The following ABLIM2 variants were observed in gnomAD, a reference collection of about 807,000 sequenced individuals.
The protein encoded by ABLIM2 is actin binding LIM protein family member 2.
Under a neutral mutation model 97.7 loss-of-function variants are expected in ABLIM2, and 53 were observed. The observed-to-expected ratio is 0.54, with a 90% CI of 0.44 to 0.68. ABLIM2 has a LOEUF of 0.68. ABLIM2 is among the 30% of genes least tolerant of loss of function. ABLIM2 has a pLI of 0.00. For missense variants in ABLIM2, 835 were observed against 867.2 expected, an observed-to-expected ratio of 0.96 and a Z score of 0.47; for synonymous variants, 361 against 345.8, an observed-to-expected ratio of 1.04 and a Z score of -0.49.
chr4:8,076,929 TG>T (rs533982198), intron 6 of ABLIM2, among the ~76,000 whole-genome samples: 1 of 4,700 alleles, frequency 2.1e-4, no homozygotes, highest in Admixed American at 2.6e-3. Context: ...GGCTACAGGG[TG>T]GGGGGGTCTG....
In ABLIM2 at chr4:8,054,225, G is replaced by T; in HGVS notation, c.785C>A (p.Ala262Glu). ...YLQGSSIWHP[A>E]CRQAARTEDR... ...TTCAGTTCTGGCTGCTTGTCGACACGCCGGATGCCAGATGGAGGAACCTGT... is the reference window on the plus strand; with the variant it reads ...TTCAGTTCTGGCTGCTTGTCGACACTCCGGATGCCAGATGGAGGAACCTGT... The change falls in exon 8 of 21, where the codon GCG (alanine) becomes GAG (glutamate). Residue 262 changes from alanine (A) to glutamate (E), a missense_variant. By Grantham distance (107) the Ala-to-Glu change is moderately radical. Transcript: ENST00000447017. The surrounding 1 kb of genome is among the most constrained non-coding windows in gnomAD (Gnocchi z 4.9). 1.2e-6 allele frequency: 2 copies of T among 1,614,070 alleles called. No individual in the cohort carries two copies. The highest frequency in any genetic ancestry group is 1.7e-6 in the Non-Finnish European group (2 of 1,179,912).
rs1851377620 is a variant in ABLIM2, at chr4:8,143,779, C to T, written c.10+14901G>A. ...AAGAGGATCGACATGCTCCAGGGAA[C>T]ATACCACCTCTAGCCTCCCTGCCAA... On this transcript the variant is annotated intron_variant, in intron 1 of 20. Coordinates refer to ENST00000447017, the MANE Select transcript of ABLIM2 (RefSeq NM_001130083.2). Among the ~76,000 whole-genome samples, 3 of 152,318 alleles carry T rather than the reference C, an allele frequency of 2.0e-5. No individual in the cohort carries two copies. The South Asian group carries it at 6.2e-4, about 32-fold the overall frequency.
chr4:8,035,488 A>C (rs1783998269), intron 10 of ABLIM2, among the ~76,000 whole-genome samples: 1 of 152,222 alleles, frequency 6.6e-6, no homozygotes, highest in Admixed American at 6.5e-5. Context: ...TCAAGAGCAC[A>C]CACACTCGGG....
chr4:8,000,064 T>C (rs1334917871), intron 16 of ABLIM2, among the ~76,000 whole-genome samples: 1 of 152,140 alleles, frequency 6.6e-6, no homozygotes, highest in African/African-American at 2.4e-5. Context: ...CATCCGCTCC[T>C]GGGTGCACGG....
rs1185308596 is a variant in ABLIM2, at chr4:8,132,644, A to C, written c.11-26007T>G. Among the ~76,000 whole-genome samples the C allele has an allele frequency of 6.6e-6, 1 of 152,118 alleles. No individual in the cohort carries two copies. The highest frequency in any genetic ancestry group is 1.5e-5 in the Non-Finnish European group (1 of 68,008). On this transcript the variant is annotated intron_variant, in intron 1 of 20. Transcript: ENST00000447017. This position sits in a 1 kb window ranked among gnomAD's most constrained non-coding sequence, Gnocchi z 8.0. ...CTCCTGCTCCCCAGCAATGCTGCAC[A>C]TCATGAAGCACGGCCCCTACCCCGC...
rs548277536 is a variant in ABLIM2 at position 8,033,020 on chromosome 4, C to A, written c.1047+3129G>T. On this transcript the variant is annotated intron_variant, in intron 10 of 20. Transcript: ENST00000447017. The surrounding 1 kb of genome is among the most constrained non-coding windows in gnomAD (Gnocchi z 4.5). ...GGAAGACACTGGCTCAGGGCACAGG[C>A]AGCAACATCCTGAGGGCCCATCACC... Among the ~76,000 whole-genome samples the A allele has an allele frequency of 2.0e-5, 3 of 152,340 alleles. No individual in the cohort carries two copies. In the East Asian group the frequency reaches 5.8e-4, roughly 29 times the overall value.
At position 8,023,651 on chromosome 4, in the gene ABLIM2, C is replaced by T. The variant is rs1015576261; in HGVS notation, c.1268-3348G>A. Among the ~76,000 whole-genome samples the T allele has an allele frequency of 3.3e-5, 5 of 152,372 alleles. No individual in the cohort carries two copies. The East Asian group carries it at 9.6e-4, about 29-fold the overall frequency. Reference sequence around the variant, plus strand: ...GGAAGGAGCCACTCTGTGTAGCCCACACTTGTCCACATGTCAGGAGTGGGA... The same window carrying T: ...GGAAGGAGCCACTCTGTGTAGCCCATACTTGTCCACATGTCAGGAGTGGGA... On this transcript the variant is annotated intron_variant, in intron 12 of 20. Transcript: ENST00000447017. This position sits in a 1 kb window ranked among gnomAD's most constrained non-coding sequence, Gnocchi z 5.7.
At position 8,032,091 on chromosome 4, in the gene ABLIM2, T is replaced by A. The variant is rs1781314031; in HGVS notation, c.1048-2315A>T. Among the ~76,000 whole-genome samples, 1 of 152,100 alleles carries A rather than the reference T, an allele frequency of 6.6e-6. No individual in the cohort carries two copies. Among genetic ancestry groups the A allele is most frequent in the Middle Eastern group, 3.4e-3 (1 of 294 alleles). On this transcript the variant is annotated intron_variant, in intron 10 of 20. Coordinates refer to ENST00000447017, the MANE Select transcript of ABLIM2 (RefSeq NM_001130083.2). The surrounding 1 kb of genome is among the most constrained non-coding windows in gnomAD (Gnocchi z 4.3). ...CTCAGGGCACGGTCACTGCCCAGGCTGTCTATTCCTGGCTACCATGACACC... is the reference window on the plus strand; with the variant it reads ...CTCAGGGCACGGTCACTGCCCAGGCAGTCTATTCCTGGCTACCATGACACC...
chr4:8,118,185 C>T (rs756315829), intron 1 of ABLIM2, among the ~76,000 whole-genome samples: 26 of 152,202 alleles, frequency 1.7e-4, no homozygotes, highest in Non-Finnish European at 2.9e-4. Flanking sequence ...ACCCTGAGCC[C>T]AGCACACAGC....
rs1424783301 is a variant in ABLIM2 at position 8,033,930 on chromosome 4, C to T, written c.1047+2219G>A. Among the ~76,000 whole-genome samples, 2 of 152,208 alleles carry T rather than the reference C, an allele frequency of 1.3e-5. No homozygotes were observed. The highest frequency in any genetic ancestry group is 1.3e-4 in the Admixed American group (2 of 15,280). On this transcript the variant is annotated intron_variant, in intron 10 of 20. Coordinates refer to ENST00000447017, the MANE Select transcript of ABLIM2 (RefSeq NM_001130083.2). The surrounding 1 kb of genome is among the most constrained non-coding windows in gnomAD (Gnocchi z 4.5). ...CTCTGCATGTGGCCCTTCATGGCCA[C>T]AGAGCCCTCCCACAGGGACACACGC...
chr4:8,002,491 A>G lies in ABLIM2; in HGVS notation c.1618+5568T>C, dbSNP rs1382092979. ...CCACCGTCTATGCAGCTGCCTTCTG[A>G]TGTTTTAAACACAGAAAATGCAACA... On this transcript the variant is annotated intron_variant, in intron 16 of 20. Transcript: ENST00000447017. The surrounding 1 kb of genome is among the most constrained non-coding windows in gnomAD (Gnocchi z 6.1). Among the ~76,000 whole-genome samples, 1 of 151,974 alleles carries G rather than the reference A, an allele frequency of 6.6e-6. No individual in the cohort carries two copies. The highest frequency in any genetic ancestry group is 1.5e-5 in the Non-Finnish European group (1 of 68,008).
At chr4:8,131,573 ACT>A (rs1225752535) in intron 1 of ABLIM2, among the ~76,000 whole-genome samples, 1 of 151,924 alleles carries the variant, frequency 6.6e-6, no homozygotes, top group Non-Finnish European at 1.5e-5. Flanking sequence ...CCCCTCCCTG[ACT>A]CTCTCACATG....
rs760097280 is a variant in ABLIM2, at chr4:8,148,120, G to A, written c.10+10560C>T. Among the ~76,000 whole-genome samples, 1 of 152,206 alleles carries A rather than the reference G, an allele frequency of 6.6e-6. No homozygotes were observed. The highest frequency in any genetic ancestry group is 1.5e-5 in the Non-Finnish European group (1 of 68,026). On this transcript the variant is annotated intron_variant, in intron 1 of 20. Transcript: ENST00000447017. This position sits in a 1 kb window ranked among gnomAD's most constrained non-coding sequence, Gnocchi z 6.7. ...AACCCCTCACCAAAGCCCACCATGC[G>A]CACCTTCCCCGGCAGAGAAGGGGTT...
intron 9 of ABLIM2, among the ~76,000 whole-genome samples, chr4:8,037,167 C>A (rs964378067): frequency 6.6e-6 from 1 of 151,876 alleles, no homozygotes; most frequent in Admixed American, 6.6e-5. Flanking sequence ...TTGTTGTTTG[C>A]TATTTTTATT....
At position 8,082,470 on chromosome 4, in the gene ABLIM2, G is replaced by C. The variant is rs746532434; in HGVS notation, c.455-1668C>G. On this transcript the variant is annotated intron_variant, in intron 4 of 20. Transcript: ENST00000447017. The surrounding 1 kb of genome is among the most constrained non-coding windows in gnomAD (Gnocchi z 5.6). Reference sequence around the variant, plus strand: ...CCCCTGTGGGCCTGCTGTGCGGTGAGAGCTCAGCAGAGGCTGCTTCCCTGC... The same window carrying C: ...CCCCTGTGGGCCTGCTGTGCGGTGACAGCTCAGCAGAGGCTGCTTCCCTGC... Among the ~76,000 whole-genome samples the C allele has an allele frequency of 6.6e-6, 1 of 152,246 alleles. No individual in the cohort carries two copies. The highest frequency in any genetic ancestry group is 2.1e-4 in the South Asian group (1 of 4,836).
rs573311368 is a variant in ABLIM2 at position 8,154,002 on chromosome 4, G to T, written c.10+4678C>A. On this transcript the variant is annotated intron_variant, in intron 1 of 20. Transcript: ENST00000447017. Reference sequence around the variant, plus strand: ...TTTTGAGATACAGTCTCACTCTGTCGCCCAGGCTGGAGTGCAGTGGCGTGA... The same window carrying T: ...TTTTGAGATACAGTCTCACTCTGTCTCCCAGGCTGGAGTGCAGTGGCGTGA... Among the ~76,000 whole-genome samples, 322 of 127,962 alleles carry T rather than the reference G, an allele frequency of 2.5e-3. 1 individual carries two copies. Among genetic ancestry groups the T allele is most frequent in the African/African-American group, 9.0e-3 (302 of 33,702 alleles). The allele number at this position is 127,962 out of a possible 152,430, so 83.9% of individuals were successfully genotyped here. A position where few individuals can be genotyped will look rare whatever the true frequency, so the allele number is the denominator to read the frequency against.
chr4:8,116,006 C>T (rs1277175313), intron 1 of ABLIM2, among the ~76,000 whole-genome samples: 1 of 152,232 alleles, frequency 6.6e-6, no homozygotes, highest in South Asian at 2.1e-4. Flanking sequence ...GGATGGCCAG[C>T]AAGAAGTTTC....
chr4:7,984,199 C>T (rs1354749559), intron 18 of ABLIM2, among the ~76,000 whole-genome samples: 2 of 152,232 alleles, frequency 1.3e-5, no homozygotes, highest in Non-Finnish European at 2.9e-5. Context: ...CCCTGAGTTT[C>T]ACCACTTGCC....
At chr4:8,007,465 G>GCTACTGGT (rs1161937065) in intron 16 of ABLIM2, 1 of 985,392 alleles carries the variant, frequency 1.0e-6, no homozygotes, top group African/African-American at 1.7e-5. Flanking sequence ...GTGAGCACTT[G>GCTACTGGT]CTACTGGTTT....
Sources: gnomAD v4.1 joint callset for allele counts (sites outside exome capture counted in the v4.1 genomes callset) on GRCh38, gnomAD v4.1.1 for gene constraint, Gnocchi (gnomAD v3.1) non-coding constraint, MANE v1.5 for transcripts, NCBI Gene and HGNC (gene_info 2026-07-23, HGNC 2026-07-21) for gene names.